Variants in ANKHD1 observed in about 807,000 individuals in gnomAD.
The protein encoded by ANKHD1 is ankyrin repeat and KH domain-containing protein 1.
A neutral mutation model predicts 230.5 loss-of-function variants in ANKHD1; 31 were observed. That is an observed-to-expected ratio of 0.13 (90% CI 0.10 to 0.18). The LOEUF is 0.18. ANKHD1 is among the 10% of genes least tolerant of loss of function. ANKHD1 has a pLI of 1.00. For missense variants in ANKHD1, 2,256 were observed against 3,071.3 expected, an observed-to-expected ratio of 0.73 and a Z score of 6.27; for synonymous variants, 1,074 against 1,117.6, an observed-to-expected ratio of 0.96 and a Z score of 0.78.
At chr5:140,472,265 T>C in intron 10 of ANKHD1, 1 of 1,613,526 alleles carries the variant, frequency 6.2e-7, no homozygotes, top group Non-Finnish European at 8.5e-7. Context: ...TGAAGACTAT[T>C]TTGGAGGGCA....
chr5:140,413,982 T>C (rs1771149338), intron 1 of ANKHD1, among the ~76,000 whole-genome samples: 1 of 152,156 alleles, frequency 6.6e-6, no homozygotes, highest in African/African-American at 2.4e-5. Context: ...GGTTTTGCTA[T>C]GTAGGCCAGG....
rs568459482 is a variant in ANKHD1 at position 140,433,102 on chromosome 5, C to T, written c.307-3002C>T. On this transcript the variant is annotated intron_variant, in intron 1 of 33. Transcript: ENST00000360839. Reference sequence around the variant, plus strand: ...GGGTTTCTTTTGGAGATAGTCTTGCCGTGTTCCCCAGGCTGGAGTGCAGTG... The same window carrying T: ...GGGTTTCTTTTGGAGATAGTCTTGCTGTGTTCCCCAGGCTGGAGTGCAGTG... Among the ~76,000 whole-genome samples the T allele has an allele frequency of 3.0e-4, 45 of 151,682 alleles. 1 individual carries two copies. Among genetic ancestry groups the T allele is most frequent in the Middle Eastern group, 6.8e-3 (2 of 294 alleles).
chr5:140,440,288 T>G, intron 4 of ANKHD1, 22 bp downstream of exon 4: 1 of 1,595,920 alleles, frequency 6.3e-7, no homozygotes, highest in Middle Eastern at 1.7e-4. Flanking sequence ...TAATCTTTAG[T>G]GATTAAAATT....
chr5:140,440,896 T>C (rs925097583), intron 4 of ANKHD1, 99 bp from the exon 5 acceptor site: 5 of 1,324,990 alleles, frequency 3.8e-6, no homozygotes, highest in Non-Finnish European at 9.7e-7. Flanking sequence ...TTCCCACCCC[T>C]ATTCTAGAAG....
chr5:140,481,829 T>C (rs1751288573), intron 10 of ANKHD1, among the ~76,000 whole-genome samples: 1 of 152,028 alleles, frequency 6.6e-6, no homozygotes. Context: ...AGAGAACTTT[T>C]CAAAGAAGCA....
chr5:140,511,652 C>T (rs1199461937), intron 22 of ANKHD1, among the ~76,000 whole-genome samples: 1 of 152,230 alleles, frequency 6.6e-6, no homozygotes, highest in Non-Finnish European at 1.5e-5. Context: ...TCTTTTTCAG[C>T]ACTGTTTATA....
intron 1 of ANKHD1, among the ~76,000 whole-genome samples, chr5:140,429,039 G>C (rs1414574062): frequency 6.6e-6 from 1 of 150,996 alleles, no homozygotes; most frequent in African/African-American, 2.4e-5. Context: ...ACTAGCCTTG[G>C]CCTCCCAAAG....
Position 140,539,643 on chromosome 5 carries a change from C to T in ANKHD1, c.*225C>T, listed in dbSNP as rs2127105588. 2.2e-6 allele frequency: 1 copy of T among 453,028 alleles called. No individual in the cohort carries two copies. The highest frequency in any genetic ancestry group is 3.5e-5 in the East Asian group (1 of 28,192). The allele number at this position is 453,028 out of a possible 1,614,324, so 28.1% of individuals were successfully genotyped here. A position where few individuals can be genotyped will look rare whatever the true frequency, so the allele number is the denominator to read the frequency against. ...GATCATATGACCTTAGTGCTTTTGG[C>T]TAAACATACAGAATACTACTTGTAT... On this transcript the variant is annotated 3_prime_UTR_variant, in exon 34 of 34. Transcript: ENST00000360839.
intron 1 of ANKHD1, among the ~76,000 whole-genome samples, chr5:140,414,077 G>C (rs531205230): frequency 7.4e-4 from 112 of 152,112 alleles, no homozygotes; most frequent in African/African-American, 2.4e-3. Context: ...CACTGTGCCC[G>C]GTCTATCTGT....
At chr5:140,533,022 TG>T (rs1753902727) in intron 29 of ANKHD1, 1 of 195,118 alleles carries the variant, frequency 5.1e-6, no homozygotes, top group Non-Finnish European at 1.1e-5. Context: ...CGCTTGAACC[TG>T]GGAGGCAGAG....
chr5:140,488,418 C>T (rs1297755130), intron 14 of ANKHD1, among the ~76,000 whole-genome samples: 2 of 151,784 alleles, frequency 1.3e-5, no homozygotes, highest in East Asian at 3.9e-4. Flanking sequence ...AACCCCATCT[C>T]TACGAAAAAT....
Position 140,529,753 on chromosome 5 carries a change from T to C in ANKHD1, c.6807T>C (p.Pro2269=). 6.2e-7 allele frequency: 1 copy of C among 1,614,188 alleles called. No individual in the cohort carries two copies. The highest frequency in any genetic ancestry group is 8.5e-7 in the Non-Finnish European group (1 of 1,180,042). Reference sequence around the variant, plus strand: ...TGCACCCTGATAACTCAAAGGCACCTGGCTTCAGACCACCTTCCCAGCGAG... The same window carrying C: ...TGCACCCTGATAACTCAAAGGCACCCGGCTTCAGACCACCTTCCCAGCGAG... ...ENMHPDNSKA[P]GFRPPSQRVS... is the part of the protein sequence containing the mutation. Residue 2269 remains proline (P), a synonymous_variant, in exon 29 of 34, where the codon CCT becomes CCC. Coordinates refer to ENST00000360839, the MANE Select transcript of ANKHD1 (RefSeq NM_017747.3).
intron 5 of ANKHD1, among the ~76,000 whole-genome samples, chr5:140,443,364 G>A (rs28456056): frequency 6.6e-6 from 1 of 151,972 alleles, no homozygotes; most frequent in African/African-American, 2.4e-5. Context: ...CTGGTTAACA[G>A]CATTATGCTA....
At chr5:140,460,592 T>C (rs1373474378) in intron 9 of ANKHD1, among the ~76,000 whole-genome samples, 1 of 152,058 alleles carries the variant, frequency 6.6e-6, no homozygotes, top group African/African-American at 2.4e-5. Context: ...GTGAATATGT[T>C]CCACTGCAAC....
chr5:140,411,035 C>T (rs926801010), intron 1 of ANKHD1, among the ~76,000 whole-genome samples: 1 of 152,102 alleles, frequency 6.6e-6, no homozygotes, highest in African/African-American at 2.4e-5. Context: ...TTTTTGGTTA[C>T]CAAATGCTGT....
At position 140,497,019 on chromosome 5, in the gene ANKHD1, T is replaced by C. The variant is rs199802017; in HGVS notation, c.2745T>C (p.Ser915=). Residue 915 remains serine, a synonymous_variant, in exon 15 of 34, where the codon TCT becomes TCC. Transcript: ENST00000360839. Reference sequence around the variant, plus strand: ...ATGATGTTGATGATGAGCAACAGTCTCCACCATCGGCAGAACAGATTGATT... The same window carrying C: ...ATGATGTTGATGATGAGCAACAGTCCCCACCATCGGCAGAACAGATTGATT... ...KDNDVDDEQQ[S]PPSAEQIDFV... 5.5e-5 allele frequency: 88 copies of C among 1,614,184 alleles called. No homozygotes were observed. The Middle Eastern group carries it at 1.3e-3, about 24-fold the overall frequency.
intron 14 of ANKHD1, among the ~76,000 whole-genome samples, chr5:140,490,521 T>G (rs1351450389): frequency 6.6e-6 from 1 of 152,208 alleles, no homozygotes; most frequent in Non-Finnish European, 1.5e-5. Context: ...GGCCTCAGAA[T>G]CACGTCCATA....
At chr5:140,518,138 C>T (rs1396668223) in intron 24 of ANKHD1, among the ~76,000 whole-genome samples, 4 of 152,054 alleles carry the variant, frequency 2.6e-5, no homozygotes, top group Non-Finnish European at 4.4e-5. Flanking sequence ...TACAAACTAC[C>T]GTCAGAGAAT....
chr5:140,433,787 A>C (rs192766626), intron 1 of ANKHD1, among the ~76,000 whole-genome samples: 3 of 152,172 alleles, frequency 2.0e-5, no homozygotes, highest in Non-Finnish European at 4.4e-5. Context: ...TTAATATGTA[A>C]ATACTATTTT....
Sources: gnomAD v4.1 joint callset for allele counts (sites outside exome capture counted in the v4.1 genomes callset) on GRCh38, gnomAD v4.1.1 for gene constraint, MANE v1.5 for transcripts, NCBI Gene and HGNC (gene_info 2026-07-23, HGNC 2026-07-21) for gene names.